LEPR: variants seen among roughly 807,000 people sequenced by gnomAD.
The protein encoded by LEPR is OB receptor.
Under a neutral mutation model 114.7 loss-of-function variants are expected in LEPR, and 56 were observed. The ratio of observed to expected loss-of-function variants is 0.49; its 90% CI spans 0.39 to 0.61. The LOEUF (loss-of-function observed/expected upper bound fraction) is 0.61. Ranked by LOEUF, LEPR falls within the 20% of genes least tolerant of loss-of-function variation. The probability of loss-of-function intolerance (pLI) is 0.00; values close to 1 mark genes in which losing one functional copy is unlikely to be tolerated. For missense variants in LEPR, 1,202 were observed against 1,352.9 expected (o/e 0.89, Z 1.75); for synonymous variants, 443 against 461.4 (o/e 0.96, Z 0.51).
intron 2 of LEPR, chr1:65,435,931 A>G (rs946212018): frequency 1.0e-5 from 10 of 985,274 alleles, no homozygotes; most frequent in Non-Finnish European, 1.2e-5. Context: ...CCAGCGTACA[A>G]CAGTGATACA....
intron 2 of LEPR, among the ~76,000 whole-genome samples, chr1:65,548,527 T>A (rs1651979578): frequency 6.6e-6 from 1 of 152,166 alleles, no homozygotes; most frequent in Non-Finnish European, 1.5e-5. Context: ...GATAGTTAGC[T>A]CTTCTTGTTG....
intron 14 of LEPR, among the ~76,000 whole-genome samples, chr1:65,612,222 G>A (rs1657223173): frequency 6.6e-6 from 1 of 152,104 alleles, no homozygotes; most frequent in Non-Finnish European, 1.5e-5. Context: ...TAAACTTTAC[G>A]TTAAGGCAGT....
chr1:65,542,126 C>T (rs1651260854), intron 2 of LEPR, among the ~76,000 whole-genome samples: 1 of 152,100 alleles, frequency 6.6e-6, no homozygotes, highest in Non-Finnish European at 1.5e-5. Context: ...GCTTACTGTG[C>T]TGGGCATATT....
intron 2 of LEPR, among the ~76,000 whole-genome samples, chr1:65,558,547 TTG>T (rs1292007511): frequency 5.9e-4 from 19 of 32,126 alleles, no homozygotes; most frequent in African/African-American, 1.6e-3. Flanking sequence ...TGTTTTTTTT[TTG>T]TTTTTTTTTT....
chr1:65,601,328 T>C lies in LEPR; in HGVS notation c.995-64T>C, dbSNP rs536875185. ...GGAATGTGTTGTGAATATTTTTCGA[T>C]GTGGTACAAATTACTTACAGAATGT... On this transcript the variant is annotated intron_variant, in intron 8 of 19. Coordinates refer to ENST00000349533, the MANE Select transcript of LEPR (RefSeq NM_002303.6). The C allele has an allele frequency of 6.4e-6, 10 of 1,572,274 alleles. No homozygotes were observed. The Admixed American group carries it at 6.7e-5, about 11-fold the overall frequency.
intron 2 of LEPR, among the ~76,000 whole-genome samples, chr1:65,527,023 A>G (rs1650020473): frequency 6.6e-6 from 1 of 152,234 alleles, no homozygotes; most frequent in Non-Finnish European, 1.5e-5. Context: ...CTCTCATACT[A>G]CCTTAAATAA....
At chr1:65,619,052 T>C (rs1183050197) in intron 16 of LEPR, among the ~76,000 whole-genome samples, 3 of 152,146 alleles carry the variant, frequency 2.0e-5, no homozygotes, top group Non-Finnish European at 2.9e-5. Flanking sequence ...AGACAGCATT[T>C]CTAAGTCTGA....
chr1:65,567,870 G>A (rs2100793709), intron 3 of LEPR, among the ~76,000 whole-genome samples: 1 of 143,564 alleles, frequency 7.0e-6, no homozygotes, highest in African/African-American at 2.6e-5. Flanking sequence ...CCCCCTCAGA[G>A]TGGTACATTT....
At chr1:65,507,699 C>T (rs1648828437) in intron 2 of LEPR, among the ~76,000 whole-genome samples, 2 of 151,760 alleles carry the variant, frequency 1.3e-5, no homozygotes, top group South Asian at 4.2e-4. Flanking sequence ...TTTGCATATA[C>T]CCAGAGGTAG....
chr1:65,529,541 A>G (rs1460223577), intron 2 of LEPR, among the ~76,000 whole-genome samples: 5 of 65,716 alleles, frequency 7.6e-5, no homozygotes, highest in Non-Finnish European at 1.2e-4. Context: ...GAAAGGAAGG[A>G]AGGGAGGAAG....
At chr1:65,529,041 C>T (rs2100609399) in intron 2 of LEPR, among the ~76,000 whole-genome samples, 1 of 151,822 alleles carries the variant, frequency 6.6e-6, no homozygotes, top group East Asian at 1.9e-4. Context: ...TCTCAATCTC[C>T]TGACCTCATG....
intron 7 of LEPR, among the ~76,000 whole-genome samples, chr1:65,597,141 C>T (rs1012262759): frequency 3.2e-4 from 48 of 152,140 alleles, no homozygotes; most frequent in African/African-American, 1.2e-3. Flanking sequence ...TCAGTTTAGC[C>T]AGAATCCCTC....
At chr1:65,469,555 T>C (rs1231585091) in intron 2 of LEPR, among the ~76,000 whole-genome samples, 1 of 152,106 alleles carries the variant, frequency 6.6e-6, no homozygotes, top group Non-Finnish European at 1.5e-5. Context: ...AATCAGGAGA[T>C]AGAATGAGAA....
intron 2 of LEPR, among the ~76,000 whole-genome samples, chr1:65,451,326 G>T (rs1032048514): frequency 6.6e-6 from 1 of 152,048 alleles, no homozygotes; most frequent in Non-Finnish European, 1.5e-5. Flanking sequence ...CATTGCTCTT[G>T]GTGTTTTAGA....
intron 2 of LEPR, among the ~76,000 whole-genome samples, chr1:65,488,206 T>C (rs867599696): frequency 0.017 from 537 of 31,482 alleles, 5 homozygotes; most frequent in South Asian, 0.054. Flanking sequence ...CTTTCTTTCT[T>C]TCTTTCTCTC....
rs553746907 is a variant in LEPR, at chr1:65,531,152, T to C, written c.-20-34394T>C. Among the ~76,000 whole-genome samples the C allele has an allele frequency of 5.9e-5, 9 of 152,298 alleles. No homozygotes were observed. The South Asian group carries it at 1.9e-3, about 32-fold the overall frequency. ...TTACCTGTCTGGTCTCATTTCCTAC[T>C]GTTCTTCCTTTCACTTTACTCAGTT... On this transcript the variant is annotated intron_variant, in intron 2 of 19. Coordinates refer to ENST00000349533, the MANE Select transcript of LEPR (RefSeq NM_002303.6).
intron 2 of LEPR, among the ~76,000 whole-genome samples, chr1:65,488,224 CTCTCTT>C (rs1433077921): frequency 0.019 from 765 of 39,624 alleles, 24 homozygotes; most frequent in East Asian, 0.13. Context: ...CTCTCTCTCT[CTCTCTT>C]TCTTTCTTTC....
intron 12 of LEPR, among the ~76,000 whole-genome samples, chr1:65,609,401 A>G (rs1015036893): frequency 2.6e-5 from 4 of 152,240 alleles, no homozygotes; most frequent in African/African-American, 9.6e-5. Flanking sequence ...AAACAGAGTC[A>G]TTCCCGTAGT....
intron 2 of LEPR, among the ~76,000 whole-genome samples, chr1:65,483,416 G>A (rs1647318150): frequency 2.0e-5 from 3 of 152,100 alleles, no homozygotes; most frequent in South Asian, 4.2e-4. Flanking sequence ...GTAGGACAAT[G>A]AGAACCTTAG....
Sources: gnomAD v4.1 joint callset for allele counts (sites outside exome capture counted in the v4.1 genomes callset) on GRCh38, gnomAD v4.1.1 for gene constraint, MANE v1.5 for transcripts, NCBI Gene and HGNC (gene_info 2026-07-23, HGNC 2026-07-21) for gene names.